CCDC110: variants seen among roughly 807,000 people sequenced by gnomAD.
CCDC110 encodes the protein coiled-coil domain-containing protein 110.
In CCDC110, 70 loss-of-function variants were observed where a neutral mutation model predicts 77.1. The ratio of observed to expected loss-of-function variants is 0.91; its 90% confidence interval spans 0.75 to 1.11. The LOEUF (loss-of-function observed/expected upper bound fraction) is 1.11. Among genes scored for constraint, CCDC110 ranks in the 50% least tolerant of loss-of-function variants. The pLI, the probability that CCDC110 is intolerant of heterozygous loss-of-function variation, is 0.00. For missense variants in CCDC110, 868 were observed against 942.9 expected, an observed-to-expected ratio of 0.92 and a Z score of 1.04; for synonymous variants, 295 against 312.5, an observed-to-expected ratio of 0.94 and a Z score of 0.59.
chr4:185,465,527 G>A (rs1039738036), intron 2 of CCDC110, among the ~76,000 whole-genome samples: 3 of 152,214 alleles, frequency 2.0e-5, no homozygotes, highest in South Asian at 2.1e-4. Flanking sequence ...ATGAGGACAC[G>A]TCGGAGCAGG....
chr4:185,448,658 C>T (rs892672775), intron 6 of CCDC110, among the ~76,000 whole-genome samples: 1 of 152,100 alleles, frequency 6.6e-6, no homozygotes, highest in Non-Finnish European at 1.5e-5. Context: ...TTTTTCTATC[C>T]TTTTAACCTT....
chr4:185,457,006 C>T (rs754217181), intron 6 of CCDC110, among the ~76,000 whole-genome samples: 3 of 151,996 alleles, frequency 2.0e-5, no homozygotes, highest in Non-Finnish European at 4.4e-5. Flanking sequence ...AAGCAGAAAT[C>T]CTTAACAAAA....
At chr4:185,469,505 G>T (rs1580205173) in intron 2 of CCDC110, among the ~76,000 whole-genome samples, 2 of 152,304 alleles carry the variant, frequency 1.3e-5, no homozygotes, top group East Asian at 1.9e-4. Context: ...CCAAATTAAG[G>T]TACTTCTATT....
At position 185,464,962 on chromosome 4, in the gene CCDC110, TC is replaced by T. The variant is rs2095652885; in HGVS notation, c.116-1914del. Among the ~76,000 whole-genome samples the T allele has an allele frequency of 2.0e-5, 3 of 152,234 alleles. No individual in the cohort carries two copies. The South Asian group carries it at 6.2e-4, about 31-fold the overall frequency. On this transcript the variant is annotated intron_variant, in intron 2 of 6. Coordinates refer to ENST00000307588, the MANE Select transcript of CCDC110 (RefSeq NM_152775.4). Reference sequence around the variant, plus strand: ...TCAATAACATACAGTTCTATTGTATTCATTGTTGACTTACTCCCTGCCAAGA... The same window carrying T: ...TCAATAACATACAGTTCTATTGTATTATTGTTGACTTACTCCCTGCCAAGA...
chr4:185,455,589 A>T (rs1040961203), intron 6 of CCDC110, among the ~76,000 whole-genome samples: 1 of 152,222 alleles, frequency 6.6e-6, no homozygotes, highest in Non-Finnish European at 1.5e-5. Context: ...GTATGCATAC[A>T]TAAAAGAGCT....
At chr4:185,447,188 T>G (rs1422883997) in intron 6 of CCDC110, among the ~76,000 whole-genome samples, 1 of 28,038 alleles carries the variant, frequency 3.6e-5, no homozygotes, top group South Asian at 1.5e-3. Flanking sequence ...TATTTTTTCT[T>G]TTTTTTTTTT....
rs746591655 is a variant in CCDC110 at position 185,463,051 on chromosome 4, TA to T, written c.116-3del. Reference sequence around the variant, plus strand: ...CTGATTCTGCTATGCAGCCATATTCTAAGAAGCAAAATTGAAAAACCATGTG... The same window carrying T: ...CTGATTCTGCTATGCAGCCATATTCTAGAAGCAAAATTGAAAAACCATGTG... On this transcript the variant is annotated splice_polypyrimidine_tract_variant and splice_region_variant and intron_variant, in intron 2 of 6. Coordinates refer to ENST00000307588, the MANE Select transcript of CCDC110 (RefSeq NM_152775.4). 2 of 1,611,292 alleles carry T rather than the reference TA, an allele frequency of 1.2e-6. No homozygotes were observed. The highest frequency in any genetic ancestry group is 3.3e-5 in the Admixed American group (2 of 59,752).
intron 2 of CCDC110, among the ~76,000 whole-genome samples, chr4:185,467,173 G>T (rs2095657783): frequency 6.6e-6 from 1 of 152,192 alleles, no homozygotes; most frequent in Admixed American, 6.5e-5. Flanking sequence ...AGCATTGAGA[G>T]TGCATTTTAG....
chr4:185,453,732 G>A (rs565641939), intron 6 of CCDC110, among the ~76,000 whole-genome samples: 2 of 151,654 alleles, frequency 1.3e-5, no homozygotes, highest in East Asian at 3.9e-4. Flanking sequence ...TTTCTGTGGA[G>A]ACAAGGTCTC....
At chr4:185,464,220 T>C (rs116051042) in intron 2 of CCDC110, among the ~76,000 whole-genome samples, 3,159 of 152,262 alleles carry the variant, frequency 0.021, 112 homozygotes, top group African/African-American at 0.073. Context: ...TCCTTTGGAT[T>C]GGCAGGCTGT....
chr4:185,458,389 T>C lies in CCDC110; in HGVS notation c.2198A>G (p.Glu733Gly), dbSNP rs1191401741. The change falls in exon 6 of 7, where the codon GAA becomes GGA. Residue 733 changes from glutamate to glycine, a missense_variant. Coordinates refer to ENST00000307588, the MANE Select transcript of CCDC110 (RefSeq NM_152775.4). ...TTCAGTAAGTCTACTGATGCTGTTTTCAAATTTTATATTTTCTTGACTATG... is the reference window on the plus strand; with the variant it reads ...TTCAGTAAGTCTACTGATGCTGTTTCCAAATTTTATATTTTCTTGACTATG... ...KKHSQENIKF[E>G]NSISRLTEDK... 1.9e-6 allele frequency: 3 copies of C among 1,594,478 alleles called. No individual in the cohort carries two copies. The highest frequency in any genetic ancestry group is 2.7e-5 in the African/African-American group (2 of 74,096).
At chr4:185,449,264 T>C (rs1456512807) in intron 6 of CCDC110, among the ~76,000 whole-genome samples, 1 of 152,188 alleles carries the variant, frequency 6.6e-6, no homozygotes, top group Non-Finnish European at 1.5e-5. Flanking sequence ...GGCTCGTGTG[T>C]AATCTCAGCA....
chr4:185,458,497 A>G lies in CCDC110; in HGVS notation c.2090T>C (p.Ile697Thr). The G allele has an allele frequency of 6.2e-7, 1 of 1,604,324 alleles. No homozygotes were observed. Among genetic ancestry groups the G allele is most frequent in the Non-Finnish European group, 8.5e-7 (1 of 1,177,460 alleles). Residue 697 changes from isoleucine (I) to threonine (T), a missense_variant, in exon 6 of 7, where the codon ATT becomes ACT. By Grantham distance (89) the Ile-to-Thr change is moderately conservative. Transcript: ENST00000307588. ...ASIYKNSLSE[I>T]GKECEMLSKM... The stretch of plus-strand genomic sequence containing the variant: ...TGATAACATTTCACATTCCTTGCCA[A>G]TTTCTGACAAGCTATTCTTATAAAT...
intron 2 of CCDC110, among the ~76,000 whole-genome samples, chr4:185,466,713 G>T (rs1336495812): frequency 6.6e-6 from 1 of 152,030 alleles, no homozygotes; most frequent in Non-Finnish European, 1.5e-5. Flanking sequence ...GGGACCACAG[G>T]TGTGTGCCAC....
At chr4:185,462,844 A>T in intron 3 of CCDC110, 136 bp from the exon 4 acceptor site, 1 of 1,020,140 alleles carries the variant, frequency 9.8e-7, no homozygotes, top group Non-Finnish European at 1.5e-6. Flanking sequence ...TCACATTCTT[A>T]GGCATTTTGC....
In CCDC110 at chr4:185,459,924, A is replaced by G. The variant is rs541296781; in HGVS notation, c.663T>C (p.Asp221=). ...VMSQADTVIL[D]KSKITVPFLK... is the part of the protein sequence containing the mutation. ...GAAAAGGCACAGTAATTTTGGATTT[A>G]TCCAGAATTACTGTATCAGCTTGAG... is the stretch of plus-strand genomic sequence containing the variant. Residue 221 remains aspartate (D), a synonymous_variant, in exon 6 of 7, where the codon GAT becomes GAC. Transcript: ENST00000307588. The G allele has an allele frequency of 1.8e-5, 29 of 1,613,930 alleles. 1 individual carries two copies. In the South Asian group the frequency reaches 2.9e-4, roughly 16 times the overall value.
In CCDC110 at chr4:185,452,210, T is replaced by C. The variant is rs1010562751; in HGVS notation, c.2461+5916A>G. ...CAGCCATGACACTGGCGTCCTCTAT[T>C]GACAACTTACACATCTAGTTATCTA... On this transcript the variant is annotated intron_variant, in intron 6 of 6. Transcript: ENST00000307588. 5.1e-6 allele frequency: 5 copies of C among 985,346 alleles called. No homozygotes were observed. In the African/African-American group the frequency reaches 8.7e-5, roughly 17 times the overall value. 61.0% of individuals were successfully genotyped at this position (985,346 alleles called of 1,614,324 possible).
At chr4:185,457,426 C>G in intron 6 of CCDC110, 1 of 376,998 alleles carries the variant, frequency 2.7e-6, no homozygotes, top group South Asian at 2.2e-5. Context: ...ATCCTCTTTA[C>G]ACTGCCTGTA....
chr4:185,458,625 G>T lies in CCDC110; in HGVS notation c.1962C>A (p.Ala654=). The T allele has an allele frequency of 6.2e-7, 1 of 1,608,252 alleles. No individual in the cohort carries two copies. The change falls in exon 6 of 7, where the codon GCC becomes GCA. Residue 654 remains alanine, a synonymous_variant. Coordinates refer to ENST00000307588, the MANE Select transcript of CCDC110 (RefSeq NM_152775.4). ...CAATTTCTCTTTCCATAATTTGTCT[G>T]GCAGCAGTAGATTCTTGTAATGTTG... is the stretch of plus-strand genomic sequence containing the variant. ...LETTLQESTA[A]RQIMEREIEN...
Sources: allele counts gnomAD v4.1 joint callset (sites outside exome capture counted in the v4.1 genomes callset), GRCh38; gene constraint gnomAD v4.1.1; transcripts MANE v1.5; gene names NCBI Gene and HGNC (gene_info 2026-07-23, HGNC 2026-07-21).